The following CAPRIN1 variants were observed in gnomAD, a reference collection of about 807,000 sequenced individuals.
The protein encoded by CAPRIN1 is cell cycle associated protein 1.
In CAPRIN1, 29 loss-of-function variants were observed where a neutral mutation model predicts 100.9. That is an observed-to-expected ratio of 0.29 (90% CI 0.21 to 0.39). The LOEUF (loss-of-function observed/expected upper bound fraction) is 0.39. CAPRIN1 is among the 10% of genes least tolerant of loss of function. CAPRIN1 has a pLI of 1.00. For synonymous variants in CAPRIN1, 338 were observed against 307.5 expected (o/e 1.10, Z -1.04); for missense variants, 795 against 876.7 (o/e 0.91, Z 1.18).
intron 14 of CAPRIN1, among the ~76,000 whole-genome samples, 191 bp downstream of exon 14, chr11:34,090,869 A>G (rs1439024582): frequency 6.6e-6 from 1 of 152,214 alleles, no homozygotes; most frequent in African/African-American, 2.4e-5. Context: ...CTAGAGATAA[A>G]TTTTAGCCTT....
chr11:34,090,317 T>C, intron 13 of CAPRIN1, 28 bp downstream of exon 13: 1 of 1,447,270 alleles, frequency 6.9e-7, no homozygotes, highest in Non-Finnish European at 9.7e-7. Context: ...GTCACATACA[T>C]TTGATGAGGC....
Position 34,090,516 on chromosome 11 carries a change from A to T in CAPRIN1, c.1405-13A>T. On this transcript the variant is annotated splice_polypyrimidine_tract_variant and intron_variant, in intron 13 of 18. Transcript: ENST00000341394. ...GTTTACCGCTAAAGTGCATCTATTC[A>T]CTTTGTGTTTAGGCAACAATCTCTT... 1 of 1,608,206 alleles carries T rather than the reference A, an allele frequency of 6.2e-7. No individual in the cohort carries two copies. The highest frequency in any genetic ancestry group is 1.1e-5 in the South Asian group (1 of 90,798).
chr11:34,066,551 C>A lies in CAPRIN1; in HGVS notation c.217-5175C>A, dbSNP rs567264044. On this transcript the variant is annotated intron_variant, in intron 2 of 18. Coordinates refer to ENST00000341394, the MANE Select transcript of CAPRIN1 (RefSeq NM_005898.5). ...GTTTCACCGTATTGGCCAGGCTGGT[C>A]TCGAACTCCTGACCTTGTGATCCGC... Among the ~76,000 whole-genome samples, 7 of 151,714 alleles carry A rather than the reference C, an allele frequency of 4.6e-5. No homozygotes were observed. In the East Asian group the frequency reaches 1.4e-3, roughly 30 times the overall value.
Position 34,086,397 on chromosome 11 carries a change from G to A in CAPRIN1, c.1215G>A (p.Gln405=). The A allele has an allele frequency of 6.2e-7, 1 of 1,611,684 alleles. No homozygotes were observed. Among genetic ancestry groups the A allele is most frequent in the Non-Finnish European group, 8.5e-7 (1 of 1,178,204 alleles). The change falls in exon 11 of 19, where the codon CAG becomes CAA. Residue 405 remains glutamine, a synonymous_variant. Coordinates refer to ENST00000341394, the MANE Select transcript of CAPRIN1 (RefSeq NM_005898.5). ...CAACACAAAACATGGACATGCCCCAGCTGGTTTGCCCTCCAGGTTAGTAGT... is the reference window on the plus strand; with the variant it reads ...CAACACAAAACATGGACATGCCCCAACTGGTTTGCCCTCCAGGTTAGTAGT... ...MNPTQNMDMP[Q]LVCPPVHSES...
At chr11:34,056,354 A>G (rs1442991082) in intron 2 of CAPRIN1, 1 of 152,294 alleles carries the variant, frequency 6.6e-6, no homozygotes, top group South Asian at 2.1e-4. Context: ...AAAGTTGTTT[A>G]TTTCCTAATA....
At chr11:34,061,817 A>G (rs1850583902) in intron 2 of CAPRIN1, among the ~76,000 whole-genome samples, 1 of 151,848 alleles carries the variant, frequency 6.6e-6, no homozygotes, top group Non-Finnish European at 1.5e-5. Flanking sequence ...CTAAAAATAC[A>G]AAAATTAGCC....
At chr11:34,083,169 A>G (rs776237890) in intron 9 of CAPRIN1, 128 bp downstream of exon 9, 12 of 657,978 alleles carry the variant, frequency 1.8e-5, no homozygotes, top group Admixed American at 5.4e-5. Context: ...GACTCATTAC[A>G]CCAGACTGTT....
intron 1 of CAPRIN1, 141 bp from the exon 2 acceptor site, chr11:34,052,280 C>G: frequency 1.4e-6 from 1 of 694,334 alleles, no homozygotes; most frequent in Non-Finnish European, 2.4e-6. Flanking sequence ...GCCCTCGAGG[C>G]GCGCCGCGCC....
intron 2 of CAPRIN1, 145 bp downstream of exon 2, chr11:34,052,781 T>G: frequency 1.4e-6 from 2 of 1,415,278 alleles, no homozygotes; most frequent in Non-Finnish European, 1.9e-6. Flanking sequence ...ACACGCCCCG[T>G]CTCCACGTTC....
chr11:34,052,669 C>T (rs373589899), intron 2 of CAPRIN1, 33 bp downstream of exon 2: 22 of 1,570,932 alleles, frequency 1.4e-5, no homozygotes, highest in Admixed American at 3.7e-5. Context: ...GGAGGGGTGG[C>T]TGCGGCCGGG....
intron 16 of CAPRIN1, 36 bp from the exon 17 acceptor site, chr11:34,097,160 T>A (rs1165635503): frequency 1.4e-6 from 2 of 1,421,384 alleles, no homozygotes; most frequent in Non-Finnish European, 2.0e-6. Context: ...CTTGTGAAGA[T>A]AAGAAAATTA....
At chr11:34,097,085 G>T in intron 16 of CAPRIN1, 111 bp from the exon 17 acceptor site, 1 of 739,084 alleles carries the variant, frequency 1.4e-6, no homozygotes, top group South Asian at 1.7e-5. Flanking sequence ...AGATTAATTT[G>T]ATTAACTAGC....
At chr11:34,064,067 C>T (rs1244978970) in intron 2 of CAPRIN1, among the ~76,000 whole-genome samples, 1 of 152,146 alleles carries the variant, frequency 6.6e-6, no homozygotes, top group Non-Finnish European at 1.5e-5. Context: ...CGCGCCTGGC[C>T]TGAAGATACA....
At chr11:34,060,826 G>T (rs1850562425) in intron 2 of CAPRIN1, among the ~76,000 whole-genome samples, 1 of 152,172 alleles carries the variant, frequency 6.6e-6, no homozygotes, top group Non-Finnish European at 1.5e-5. Flanking sequence ...CCCAAGGAAT[G>T]TATTAATATA....
chr11:34,097,482 A>G lies in CAPRIN1; in HGVS notation c.2001+186A>G, dbSNP rs1268168922. Among the ~76,000 whole-genome samples the G allele has an allele frequency of 2.6e-5, 4 of 152,350 alleles. No homozygotes were observed. In the East Asian group the frequency reaches 5.8e-4, roughly 22 times the overall value. On this transcript the variant is annotated intron_variant, in intron 17 of 18. Coordinates refer to ENST00000341394, the MANE Select transcript of CAPRIN1 (RefSeq NM_005898.5). ...TCCTTTAGTAAAGCCTGTTAAAGAC[A>G]GTGATTTCCAAGAGCAGAGAAATAT... is the stretch of plus-strand genomic sequence containing the variant.
At chr11:34,069,475 A>T (rs1850768604) in intron 2 of CAPRIN1, among the ~76,000 whole-genome samples, 1 of 152,024 alleles carries the variant, frequency 6.6e-6, no homozygotes, top group African/African-American at 2.4e-5. Context: ...AAAATAGCCT[A>T]CCCTTTAAGC....
rs1851452703 is a variant in CAPRIN1, at chr11:34,101,441, A to G, written c.*2074A>G. Among the ~76,000 whole-genome samples the G allele has an allele frequency of 6.6e-6, 1 of 152,216 alleles. No individual in the cohort carries two copies. The highest frequency in any genetic ancestry group is 1.5e-5 in the Non-Finnish European group (1 of 68,030). ...CAATCAGGACTGAAGTAAGTTCTTC[A>G]CACAGTGACCTCTGAATCAGTTTCA... On this transcript the variant is annotated 3_prime_UTR_variant, in exon 19 of 19. Transcript: ENST00000341394.
At chr11:34,073,917 G>A (rs1351547535) in intron 4 of CAPRIN1, among the ~76,000 whole-genome samples, 1 of 152,200 alleles carries the variant, frequency 6.6e-6, no homozygotes, top group African/African-American at 2.4e-5. Flanking sequence ...ATGCTGGGAA[G>A]TCCAAGATCA....
intron 11 of CAPRIN1, among the ~76,000 whole-genome samples, chr11:34,088,066 T>C (rs1467501433): frequency 6.6e-6 from 1 of 152,096 alleles, no homozygotes; most frequent in Non-Finnish European, 1.5e-5. Flanking sequence ...GGCGCATTCT[T>C]GGCTCGGCAC....
Sources: gnomAD v4.1 joint callset for allele counts (sites outside exome capture counted in the v4.1 genomes callset) on GRCh38, gnomAD v4.1.1 for gene constraint, MANE v1.5 for transcripts, NCBI Gene and HGNC (gene_info 2026-07-23, HGNC 2026-07-21) for gene names.